Variants in PTGFRN observed in about 807,000 individuals in gnomAD.
The protein encoded by PTGFRN is prostaglandin F2 receptor inhibitor.
In PTGFRN, 35 loss-of-function variants were observed where a neutral mutation model predicts 83.2. The ratio of observed to expected loss-of-function variants is 0.42; its 90% CI spans 0.32 to 0.56. The LOEUF is 0.56. Among genes scored for constraint, PTGFRN ranks in the 20% least tolerant of loss-of-function variants. The pLI is 0.11. For synonymous variants in PTGFRN, 519 were observed against 498.6 expected (o/e 1.04, Z -0.55); for missense variants, 1,051 against 1,179.5 (o/e 0.89, Z 1.60).
chr1:116,970,769 C>T (rs1399915914), intron 6 of PTGFRN, among the ~76,000 whole-genome samples: 1 of 152,212 alleles, frequency 6.6e-6, no homozygotes, highest in Non-Finnish European at 1.5e-5. Flanking sequence ...TGATTTGAAA[C>T]TGAACAGCCT....
intron 1 of PTGFRN, among the ~76,000 whole-genome samples, chr1:116,922,459 A>T (rs926100085): frequency 6.6e-6 from 1 of 152,202 alleles, no homozygotes; most frequent in African/African-American, 2.4e-5. Context: ...CCCACAAACA[A>T]GTTTCAGCGG....
intron 4 of PTGFRN, among the ~76,000 whole-genome samples, chr1:116,950,831 G>GGC (rs1650326170): frequency 1.3e-5 from 2 of 152,188 alleles, no homozygotes; most frequent in Admixed American, 1.3e-4. Context: ...AAAAGTAAAA[G>GGC]AAGCGGGGTT....
chr1:116,928,325 G>A (rs936838798), intron 1 of PTGFRN, among the ~76,000 whole-genome samples: 3 of 152,102 alleles, frequency 2.0e-5, no homozygotes, highest in African/African-American at 7.2e-5. Flanking sequence ...CCTCCTATCT[G>A]TTGAACCTAT....
chr1:116,984,662 T>C lies in PTGFRN; in HGVS notation c.2168-18T>C, dbSNP rs747274708. ...GCCCATTGCACTGACCCCAGGGTTTTGGCTTGGTAATCCGTAGATGACATG... is the reference window on the plus strand; with the variant it reads ...GCCCATTGCACTGACCCCAGGGTTTCGGCTTGGTAATCCGTAGATGACATG... On this transcript the variant is annotated intron_variant, in intron 7 of 8. Coordinates refer to ENST00000393203, the MANE Select transcript of PTGFRN (RefSeq NM_020440.4). 1.3e-5 allele frequency: 21 copies of C among 1,608,984 alleles called. No individual in the cohort carries two copies. Among genetic ancestry groups the C allele is most frequent in the Non-Finnish European group, 1.7e-6 (2 of 1,177,366 alleles).
intron 1 of PTGFRN, among the ~76,000 whole-genome samples, chr1:116,939,373 T>A (rs1385344377): frequency 6.6e-6 from 1 of 152,266 alleles, no homozygotes; most frequent in Non-Finnish European, 1.5e-5. Flanking sequence ...AATTCTTGAC[T>A]TCTGTGCACT....
chr1:116,983,498 CA>C (rs71096893), intron 7 of PTGFRN, among the ~76,000 whole-genome samples: 5,654 of 104,040 alleles, frequency 0.054, 88 homozygotes, highest in African/African-American at 0.092. Context: ...ACACTGGGAA[CA>C]AAAAAAAAAA....
intron 3 of PTGFRN, among the ~76,000 whole-genome samples, chr1:116,947,421 T>C (rs1475018289): frequency 6.6e-6 from 1 of 152,192 alleles, no homozygotes; most frequent in Non-Finnish European, 1.5e-5. Context: ...GTCCTTTTTT[T>C]CCCTTTAGCC....
Position 116,961,097 on chromosome 1 carries a change from G to C in PTGFRN, c.1214-146G>C. 1.1e-6 allele frequency: 1 copy of C among 893,674 alleles called. No individual in the cohort carries two copies. Among genetic ancestry groups the C allele is most frequent in the Non-Finnish European group, 1.6e-6 (1 of 635,796 alleles). 55.4% of individuals were successfully genotyped at this position (893,674 alleles called of 1,614,324 possible). A position where few individuals can be genotyped will look rare whatever the true frequency, so the allele number is the denominator to read the frequency against. On this transcript the variant is annotated intron_variant, in intron 4 of 8. Transcript: ENST00000393203. The surrounding 1 kb of genome is among the most constrained non-coding windows in gnomAD (Gnocchi z 5.4). Reference sequence around the variant, plus strand: ...ACACTGTTCTAGGATCCTATCCAATGCAACGACTGATTTCTGTCTCTCTAG... The same window carrying C: ...ACACTGTTCTAGGATCCTATCCAATCCAACGACTGATTTCTGTCTCTCTAG...
At chr1:116,921,960 G>A (rs1649546198) in intron 1 of PTGFRN, among the ~76,000 whole-genome samples, 1 of 152,178 alleles carries the variant, frequency 6.6e-6, no homozygotes, top group African/African-American at 2.4e-5. Context: ...AGAGGTGGGA[G>A]TAGATAAATG....
At chr1:116,956,146 A>AT (rs1491263292) in intron 4 of PTGFRN, among the ~76,000 whole-genome samples, 1 of 152,218 alleles carries the variant, frequency 6.6e-6, no homozygotes, top group African/African-American at 2.4e-5. Flanking sequence ...TGGTGGAATC[A>AT]TATCTTCTCC....
intron 7 of PTGFRN, among the ~76,000 whole-genome samples, chr1:116,983,917 T>C (rs1213467172): frequency 1.3e-5 from 2 of 152,238 alleles, no homozygotes; most frequent in African/African-American, 2.4e-5. Context: ...TGATGTGTGC[T>C]CTGTTTTCAC....
chr1:116,984,757 C>G lies in PTGFRN; in HGVS notation c.2245C>G (p.Leu749Val), dbSNP rs1234163929. 6.2e-7 allele frequency: 1 copy of G among 1,614,120 alleles called. No homozygotes were observed. The highest frequency in any genetic ancestry group is 8.5e-7 in the Non-Finnish European group (1 of 1,180,032). The change falls in exon 8 of 9, where the codon CTG becomes GTG. Residue 749 changes from leucine (L) to valine (V), a missense_variant. By Grantham distance (32) the Leu-to-Val change is conservative. This residue lies in a region of PTGFRN where 719 missense variants were observed against 836.6 expected (regional missense o/e 0.86). Transcript: ENST00000393203. Reference protein sequence around the residue: ...LDKAPVLLSSLDRKGIVTTSR... With the variant: ...LDKAPVLLSSVDRKGIVTTSR... The stretch of plus-strand genomic sequence containing the variant: ...CAAGGCTCCTGTGCTCCTGTCTTCC[C>G]TGGATCGGAAGGGCATCGTGACCAC...
At chr1:116,966,128 T>C (rs1650822828) in intron 5 of PTGFRN, among the ~76,000 whole-genome samples, 1 of 152,254 alleles carries the variant, frequency 6.6e-6, no homozygotes, top group Admixed American at 6.5e-5. Flanking sequence ...TCAACAAATA[T>C]TTAAGCACCT....
intron 1 of PTGFRN, among the ~76,000 whole-genome samples, chr1:116,927,733 C>G (rs1192140311): frequency 6.6e-6 from 1 of 151,376 alleles, no homozygotes; most frequent in African/African-American, 2.4e-5. Context: ...GAGACGAGAT[C>G]TATGTTGCCC....
chr1:116,933,059 C>CTGTA (rs1649837695), intron 1 of PTGFRN, among the ~76,000 whole-genome samples: 1 of 152,188 alleles, frequency 6.6e-6, no homozygotes, highest in Admixed American at 6.5e-5. Context: ...GTAAGAAACA[C>CTGTA]TGTACATTAT....
Position 116,941,763 on chromosome 1 carries a change from G to C in PTGFRN, c.98G>C (p.Arg33Pro). ...VVRVPTATLV[R>P]VVGTELVIPC... ...AGAGTCCCCACAGCGACCCTGGTTC[G>C]AGTGGTGGGCACTGAGCTGGTCATC... The change falls in exon 2 of 9, where the codon CGA becomes CCA. Residue 33 changes from arginine to proline, a missense_variant. By Grantham distance (103) the Arg-to-Pro change is moderately radical. This residue lies in a region of PTGFRN where 127 missense variants were observed against 168.4 expected (regional missense o/e 0.75). Transcript: ENST00000393203. The surrounding 1 kb of genome is among the most constrained non-coding windows in gnomAD (Gnocchi z 5.0). 1 of 1,614,098 alleles carries C rather than the reference G, an allele frequency of 6.2e-7. No homozygotes were observed. Among genetic ancestry groups the C allele is most frequent in the South Asian group, 1.1e-5 (1 of 91,070 alleles).
intron 4 of PTGFRN, among the ~76,000 whole-genome samples, chr1:116,949,894 C>T (rs138245906): frequency 1.8e-4 from 27 of 152,328 alleles, no homozygotes; most frequent in African/African-American, 6.0e-4. Context: ...AGGGAGAACA[C>T]TGCCATTCTT....
At chr1:116,957,106 T>A (rs56946314) in intron 4 of PTGFRN, among the ~76,000 whole-genome samples, 831 of 4,246 alleles carry the variant, frequency 0.2, 4 homozygotes, top group African/African-American at 0.25. Flanking sequence ...AGGTTTTAAC[T>A]CTCTCTCTCT....
At chr1:116,922,253 G>GA (rs1447581818) in intron 1 of PTGFRN, among the ~76,000 whole-genome samples, 1 of 152,120 alleles carries the variant, frequency 6.6e-6, no homozygotes, top group African/African-American at 2.4e-5. Context: ...TTTCTTATAA[G>GA]AAAAACAACT....
Sources: gnomAD v4.1 joint callset for allele counts (sites outside exome capture counted in the v4.1 genomes callset) on GRCh38, gnomAD v4.1.1 for gene constraint, gnomAD v4.1.1 regional missense constraint, Gnocchi (gnomAD v3.1) non-coding constraint, MANE v1.5 for transcripts, NCBI Gene and HGNC (gene_info 2026-07-23, HGNC 2026-07-21) for gene names.